The following CNST variants were observed in gnomAD, a reference collection of about 807,000 sequenced individuals.
CNST encodes consortin, connexin sorting protein, also known as consortin.
Under a neutral mutation model 72.4 loss-of-function variants are expected in CNST, and 39 were observed. That is an observed-to-expected ratio of 0.54 (90% CI 0.42 to 0.70). The LOEUF is 0.70. Ranked by LOEUF, CNST falls within the 30% of genes least tolerant of loss-of-function variation. The pLI is 0.00. For synonymous variants in CNST, 332 were observed against 320.1 expected (o/e 1.04, Z -0.40); for missense variants, 871 against 868.5 (o/e 1.00, Z -0.04).
intron 2 of CNST, among the ~76,000 whole-genome samples, chr1:246,595,753 GAAAAAAAAGACC>G (rs1014171625): frequency 2.4e-4 from 36 of 150,530 alleles, no homozygotes; most frequent in African/African-American, 8.5e-4. Context: ...TAAAAATAAA[GAAAAAAAAGACC>G]AAAAAAAAGA....
chr1:246,598,956 T>C (rs1168748908), intron 2 of CNST, among the ~76,000 whole-genome samples: 2 of 152,168 alleles, frequency 1.3e-5, no homozygotes, highest in African/African-American at 4.8e-5. Context: ...TAGTAGATGT[T>C]CCACCTCTTT....
intron 9 of CNST, 70 bp from the exon 10 acceptor site, chr1:246,660,129 C>CT (rs2103166511): frequency 7.5e-7 from 1 of 1,325,270 alleles, no homozygotes; most frequent in Non-Finnish European, 1.0e-6. Context: ...TTGAATGAGC[C>CT]TTTTTATAGC....
At chr1:246,608,857 C>G (rs999419498) in intron 2 of CNST, among the ~76,000 whole-genome samples, 2 of 152,234 alleles carry the variant, frequency 1.3e-5, no homozygotes, top group African/African-American at 2.4e-5. Context: ...AGTCAACACT[C>G]AAGTGCAAGA....
intron 2 of CNST, among the ~76,000 whole-genome samples, chr1:246,600,249 T>C (rs996501042): frequency 6.6e-6 from 1 of 152,040 alleles, no homozygotes; most frequent in Non-Finnish European, 1.5e-5. Flanking sequence ...CAAGGGGAAA[T>C]AGTAGAGAGT....
intron 2 of CNST, among the ~76,000 whole-genome samples, chr1:246,617,317 T>C (rs3124075): frequency 0.49 from 73,810 of 152,120 alleles, 18,746 homozygotes; most frequent in Non-Finnish European, 0.56. Flanking sequence ...ATACTCCAGC[T>C]TAGTTCTTAT....
At chr1:246,574,323 G>T (rs1283221308) in intron 1 of CNST, among the ~76,000 whole-genome samples, 1 of 152,184 alleles carries the variant, frequency 6.6e-6, no homozygotes, top group Non-Finnish European at 1.5e-5. Context: ...TTACAGGCGT[G>T]AGCCACCGCT....
intron 1 of CNST, among the ~76,000 whole-genome samples, chr1:246,568,331 G>T (rs1048810899): frequency 3.9e-5 from 6 of 152,142 alleles, no homozygotes; most frequent in Admixed American, 3.9e-4. Context: ...TTGGGAAAGA[G>T]AATTACATTA....
intron 9 of CNST, among the ~76,000 whole-genome samples, 163 bp from the exon 10 acceptor site, chr1:246,660,036 G>A (rs1667001340): frequency 6.6e-6 from 1 of 152,186 alleles, no homozygotes; most frequent in Non-Finnish European, 1.5e-5. Context: ...CTGCAGAGAA[G>A]TGAAAGTTTT....
intron 2 of CNST, among the ~76,000 whole-genome samples, chr1:246,604,215 T>C (rs1662519709): frequency 6.6e-6 from 1 of 151,728 alleles, no homozygotes; most frequent in Non-Finnish European, 1.5e-5. Context: ...TATCGCGCCA[T>C]TGCACTCCAG....
At chr1:246,639,284 G>A (rs1310335543) in intron 6 of CNST, among the ~76,000 whole-genome samples, 2 of 152,262 alleles carry the variant, frequency 1.3e-5, no homozygotes, top group Non-Finnish European at 1.5e-5. Flanking sequence ...TGGGTAATCG[G>A]CTGTGCAGGG....
intron 8 of CNST, among the ~76,000 whole-genome samples, chr1:246,645,423 A>ATTTTTTTTTTTTTTTTTTT (rs762655117): frequency 9.4e-6 from 1 of 106,072 alleles, no homozygotes; most frequent in Non-Finnish European, 1.9e-5. Context: ...AAAGGTTAAA[A>ATTTTTTTTTTTTTTTTTTT]CTTTTTTTTT....
chr1:246,578,198 A>G (rs1660555128), intron 1 of CNST, among the ~76,000 whole-genome samples: 1 of 152,122 alleles, frequency 6.6e-6, no homozygotes, highest in Non-Finnish European at 1.5e-5. Flanking sequence ...CTTGAATTCC[A>G]GATGGGAAAT....
At chr1:246,608,339 C>T (rs1418935267) in intron 2 of CNST, among the ~76,000 whole-genome samples, 1 of 152,022 alleles carries the variant, frequency 6.6e-6, no homozygotes, top group Non-Finnish European at 1.5e-5. Context: ...CTGTCTTTAA[C>T]GTTTTTTTAA....
intron 2 of CNST, among the ~76,000 whole-genome samples, chr1:246,596,972 G>A (rs1572146684): frequency 6.6e-6 from 1 of 152,184 alleles, no homozygotes; most frequent in South Asian, 2.1e-4. Flanking sequence ...TCAGCTGAGG[G>A]ATGTTTGGGT....
intron 2 of CNST, chr1:246,605,767 TAGGTGTCTTCCG>T (rs1273224082): frequency 8.5e-5 from 9 of 105,368 alleles, no homozygotes; most frequent in South Asian, 3.6e-4. Context: ...CCGGCCGGGG[TAGGTGTCTTCCG>T]GCCGGGGTAG....
chr1:246,663,440 A>G (rs1667223290), intron 10 of CNST, among the ~76,000 whole-genome samples: 1 of 152,120 alleles, frequency 6.6e-6, no homozygotes, highest in African/African-American at 2.4e-5. Context: ...ATTTTCATAC[A>G]TAGGTATAAA....
At chr1:246,610,101 TG>T (rs1663205033) in intron 2 of CNST, among the ~76,000 whole-genome samples, 4 of 151,894 alleles carry the variant, frequency 2.6e-5, no homozygotes, top group Non-Finnish European at 5.9e-5. Flanking sequence ...GTCAAGATGG[TG>T]AAACCCCATC....
Position 246,666,854 on chromosome 1 carries a change from C to G in CNST, c.*949C>G, listed in dbSNP as rs1002921594. The G allele has an allele frequency of 1.3e-5, 2 of 152,158 alleles. No homozygotes were observed. Among genetic ancestry groups the G allele is most frequent in the Non-Finnish European group, 2.9e-5 (2 of 68,034 alleles). The allele number at this position is 152,158 out of a possible 1,614,324, so 9.4% of individuals were successfully genotyped here. A position where few individuals can be genotyped will look rare whatever the true frequency, so the allele number is the denominator to read the frequency against. ...CCACTGTAGGTGTTTTAATCCTGGT[C>G]TTATATAGAATAAACCAGTACTTTG... On this transcript the variant is annotated 3_prime_UTR_variant, in exon 11 of 11. Coordinates refer to ENST00000366513, the MANE Select transcript of CNST (RefSeq NM_152609.3).
At chr1:246,658,298 T>TA (rs1666878186) in intron 9 of CNST, among the ~76,000 whole-genome samples, 1 of 152,228 alleles carries the variant, frequency 6.6e-6, no homozygotes, top group Non-Finnish European at 1.5e-5. Context: ...AAGGTGCTTA[T>TA]AAAACCTGTT....
Sources: gnomAD v4.1 joint callset for allele counts (sites outside exome capture counted in the v4.1 genomes callset) on GRCh38, gnomAD v4.1.1 for gene constraint, MANE v1.5 for transcripts, NCBI Gene and HGNC (gene_info 2026-07-23, HGNC 2026-07-21) for gene names.